INSIG2: variants seen among roughly 807,000 people sequenced by gnomAD.
INSIG2 encodes the protein insulin induced gene 2.
A neutral mutation model predicts 27.2 loss-of-function variants in INSIG2; 10 were observed. That is an observed-to-expected ratio of 0.37 (90% CI 0.23 to 0.62). INSIG2 has a LOEUF of 0.62. Among genes scored for constraint, INSIG2 ranks in the 20% least tolerant of loss-of-function variants. INSIG2 has a pLI of 0.65. For synonymous variants in INSIG2, 97 were observed against 95.8 expected (o/e 1.01, Z -0.07); for missense variants, 178 against 270.2 (o/e 0.66, Z 2.39).
chr2:118,092,048 G>A (rs953926431), intron 1 of INSIG2, among the ~76,000 whole-genome samples: 1 of 152,094 alleles, frequency 6.6e-6, no homozygotes, highest in East Asian at 1.9e-4. Context: ...TGTGAGATGG[G>A]GGCTAGCATG....
chr2:118,096,885 A>G lies in INSIG2; in HGVS notation c.244+85A>G, dbSNP rs1196748181. The G allele has an allele frequency of 2.2e-6, 3 of 1,376,086 alleles. No homozygotes were observed. In the African/African-American group the frequency reaches 4.4e-5, roughly 20 times the overall value. 85.2% of individuals were successfully genotyped at this position (1,376,086 alleles called of 1,614,324 possible). A position where few individuals can be genotyped will look rare whatever the true frequency, so the allele number is the denominator to read the frequency against. On this transcript the variant is annotated intron_variant, in intron 2 of 5. Transcript: ENST00000245787. Reference sequence around the variant, plus strand: ...TTGTCTGAGCAATAAACCTTTTTAAAAAAGAAAATATATTTATTGAGATAT... The same window carrying G: ...TTGTCTGAGCAATAAACCTTTTTAAGAAAGAAAATATATTTATTGAGATAT...
rs536197164 is a variant in INSIG2 at position 118,089,390 on chromosome 2, CTGTT to C, written c.-139+852_-139+855del. ...AGGCTTGGCAGCTGGGCCACTGAAA[CTGTT>C]TGGTATCAGTATTGCGGTGGAGCTG... On this transcript the variant is annotated intron_variant, in intron 1 of 5. Coordinates refer to ENST00000245787, the MANE Select transcript of INSIG2 (RefSeq NM_016133.4). 4.7e-3 allele frequency among the ~76,000 whole-genome samples: 712 copies of C among 152,248 alleles called. 8 individuals are homozygous for C. Among genetic ancestry groups the C allele is most frequent in the African/African-American group, 0.016 (674 of 41,530 alleles).
intron 2 of INSIG2, among the ~76,000 whole-genome samples, chr2:118,097,292 A>G (rs1678432856): frequency 6.6e-6 from 1 of 152,166 alleles, no homozygotes. Flanking sequence ...TCTAAGTGTT[A>G]TTTTAAGTTA....
chr2:118,106,634 C>T, intron 3 of INSIG2, 103 bp from the exon 4 acceptor site: 1 of 844,706 alleles, frequency 1.2e-6, no homozygotes, highest in Non-Finnish European at 1.9e-6. Context: ...TGAGTAGAAG[C>T]AATTAATTCC....
At chr2:118,093,016 G>C in intron 1 of INSIG2, among the ~76,000 whole-genome samples, 1 of 112,184 alleles carries the variant, frequency 8.9e-6, no homozygotes, top group East Asian at 2.5e-4. Flanking sequence ...TGATGATGAT[G>C]AGGAGGAGGA....
At chr2:118,091,907 C>T (rs1678240996) in intron 1 of INSIG2, among the ~76,000 whole-genome samples, 1 of 151,892 alleles carries the variant, frequency 6.6e-6, no homozygotes, top group Admixed American at 6.6e-5. Context: ...TTGGTTATCA[C>T]AAATAGGGGA....
At chr2:118,100,300 G>T (rs1678509186) in intron 2 of INSIG2, among the ~76,000 whole-genome samples, 2 of 151,028 alleles carry the variant, frequency 1.3e-5, no homozygotes, top group Non-Finnish European at 2.9e-5. Flanking sequence ...CCTGTCAGCT[G>T]CCCTTAATGC....
intron 2 of INSIG2, among the ~76,000 whole-genome samples, chr2:118,101,559 G>A (rs889701025): frequency 1.3e-5 from 2 of 152,002 alleles, no homozygotes; most frequent in African/African-American, 4.8e-5. Flanking sequence ...AACAGGCAAA[G>A]GGAGGATATA....
At chr2:118,102,551 G>A (rs1373684455) in intron 2 of INSIG2, 2 of 152,198 alleles carry the variant, frequency 1.3e-5, no homozygotes, top group Non-Finnish European at 2.9e-5. Context: ...GATTTCTGTT[G>A]TGAGTTTTCC....
intron 2 of INSIG2, chr2:118,102,633 A>C (rs1357539063): frequency 6.5e-6 from 1 of 153,072 alleles, no homozygotes; most frequent in South Asian, 2.0e-4. Flanking sequence ...AAGGTGCTAC[A>C]TGCTGAAGAC....
intron 2 of INSIG2, chr2:118,102,553 G>C: frequency 6.6e-6 from 1 of 152,194 alleles, no homozygotes; most frequent in East Asian, 1.9e-4. Context: ...TTTCTGTTGT[G>C]AGTTTTCCTG....
At chr2:118,091,136 A>G (rs1032550732) in intron 1 of INSIG2, among the ~76,000 whole-genome samples, 1 of 152,246 alleles carries the variant, frequency 6.6e-6, no homozygotes, top group African/African-American at 2.4e-5. Context: ...AGAAAATGGT[A>G]TCAGTACAAA....
At chr2:118,095,729 T>TA (rs1009246450) in intron 1 of INSIG2, among the ~76,000 whole-genome samples, 4 of 152,212 alleles carry the variant, frequency 2.6e-5, no homozygotes, top group African/African-American at 7.2e-5. Flanking sequence ...CCAGCTTTCT[T>TA]ACAATCCCTT....
At chr2:118,092,274 A>G (rs12464355) in intron 1 of INSIG2, among the ~76,000 whole-genome samples, 9,499 of 152,276 alleles carry the variant, frequency 0.062, 421 homozygotes, top group Non-Finnish European at 0.1. Flanking sequence ...CTGGGGAAGT[A>G]AAGAGTCAAC....
At chr2:118,090,712 C>T (rs1678204076) in intron 1 of INSIG2, among the ~76,000 whole-genome samples, 1 of 152,182 alleles carries the variant, frequency 6.6e-6, no homozygotes, top group African/African-American at 2.4e-5. Context: ...AGTTTACCAA[C>T]ATGATTTTAA....
At chr2:118,100,061 C>T (rs1558835203) in intron 2 of INSIG2, among the ~76,000 whole-genome samples, 1 of 152,066 alleles carries the variant, frequency 6.6e-6, no homozygotes, top group Non-Finnish European at 1.5e-5. Flanking sequence ...CTTTCTGGAC[C>T]CTGCAGCTCC....
chr2:118,100,948 G>GT (rs895842437), intron 2 of INSIG2, among the ~76,000 whole-genome samples: 1 of 151,952 alleles, frequency 6.6e-6, no homozygotes, highest in African/African-American at 2.4e-5. Flanking sequence ...TTGGTAGACT[G>GT]TAACTAGTCA....
chr2:118,103,078 T>G, intron 2 of INSIG2, 119 bp from the exon 3 acceptor site: 6 of 970,644 alleles, frequency 6.2e-6, no homozygotes, highest in Non-Finnish European at 8.8e-6. Flanking sequence ...ACTTTTTTTT[T>G]TGTTTTTTTT....
intron 2 of INSIG2, among the ~76,000 whole-genome samples, chr2:118,102,090 A>T (rs1678559571): frequency 6.6e-6 from 1 of 152,196 alleles, no homozygotes; most frequent in African/African-American, 2.4e-5. Flanking sequence ...TCCCTCAGGC[A>T]CTTAGATTTT....
Sources: gnomAD v4.1 joint callset for allele counts (sites outside exome capture counted in the v4.1 genomes callset) on GRCh38, gnomAD v4.1.1 for gene constraint, MANE v1.5 for transcripts, NCBI Gene and HGNC (gene_info 2026-07-23, HGNC 2026-07-21) for gene names.